The following MAP2K6 variants were observed in gnomAD, a reference collection of about 807,000 sequenced individuals.
MAP2K6 encodes the protein dual specificity mitogen-activated protein kinase kinase 6.
In MAP2K6, 16 loss-of-function variants were observed where a neutral mutation model predicts 53.7. The observed-to-expected ratio is 0.30, with a 90% CI of 0.20 to 0.45. MAP2K6 has a LOEUF of 0.45. Among genes scored for constraint, MAP2K6 ranks in the 20% least tolerant of loss-of-function variants. The pLI, the probability that MAP2K6 is intolerant of heterozygous loss-of-function variation, is 1.00. For missense variants in MAP2K6, 204 were observed against 411.9 expected (o/e 0.50, Z 4.37); for synonymous variants, 132 against 143.1 (o/e 0.92, Z 0.55).
chr17:69,465,680 T>G (rs934916584), intron 1 of MAP2K6, among the ~76,000 whole-genome samples: 1 of 151,040 alleles, frequency 6.6e-6, no homozygotes, highest in African/African-American at 2.4e-5. Context: ...AATACAATGG[T>G]GCAATCTCGG....
At chr17:69,476,754 A>G (rs945877784) in intron 1 of MAP2K6, among the ~76,000 whole-genome samples, 3 of 152,136 alleles carry the variant, frequency 2.0e-5, no homozygotes, top group Admixed American at 1.3e-4. Context: ...CCTTTCCCCA[A>G]GGGCCTGGCT....
chr17:69,419,690 G>A (rs1490389849), intron 1 of MAP2K6, among the ~76,000 whole-genome samples: 1 of 152,086 alleles, frequency 6.6e-6, no homozygotes, highest in Non-Finnish European at 1.5e-5. Context: ...ACTTTGGGAG[G>A]CCGAGGCAAG....
At chr17:69,490,196 G>A (rs1427462127) in intron 1 of MAP2K6, among the ~76,000 whole-genome samples, 1 of 152,164 alleles carries the variant, frequency 6.6e-6, no homozygotes, top group Non-Finnish European at 1.5e-5. Context: ...TTTCCTCCAA[G>A]ATGGCGTTGA....
In MAP2K6 at chr17:69,428,707, T is replaced by A. The variant is rs138183427; in HGVS notation, c.16+13707T>A. 9.9e-4 allele frequency among the ~76,000 whole-genome samples: 150 copies of A among 152,262 alleles called. No individual in the cohort carries two copies. In the Middle Eastern group the frequency reaches 0.01, roughly 10 times the overall value. Reference sequence around the variant, plus strand: ...AAGAAGGTGGGTGCATAACTCAGCCTGGGAAGATCAGGAGTCTGTTGGTAG... The same window carrying A: ...AAGAAGGTGGGTGCATAACTCAGCCAGGGAAGATCAGGAGTCTGTTGGTAG... On this transcript the variant is annotated intron_variant, in intron 1 of 11. Transcript: ENST00000590474.
intron 1 of MAP2K6, among the ~76,000 whole-genome samples, chr17:69,497,862 A>G (rs1909005620): frequency 1.3e-5 from 2 of 152,226 alleles, no homozygotes; most frequent in African/African-American, 4.8e-5. Context: ...ATATATAAAG[A>G]AGACATACAG....
intron 1 of MAP2K6, among the ~76,000 whole-genome samples, chr17:69,493,520 G>T (rs1049743002): frequency 6.6e-6 from 1 of 152,168 alleles, no homozygotes; most frequent in African/African-American, 2.4e-5. Flanking sequence ...CAGCACTTTG[G>T]GAGGCTGAGG....
At chr17:69,472,958 C>T (rs942384901) in intron 1 of MAP2K6, among the ~76,000 whole-genome samples, 9 of 152,182 alleles carry the variant, frequency 5.9e-5, no homozygotes, top group African/African-American at 2.2e-4. Context: ...CCACATACCT[C>T]GGCCTCCCAA....
At chr17:69,464,093 A>G (rs1424603624) in intron 1 of MAP2K6, among the ~76,000 whole-genome samples, 2 of 152,074 alleles carry the variant, frequency 1.3e-5, no homozygotes, top group African/African-American at 2.4e-5. Context: ...TAATTTATTT[A>G]CTTATTTTTT....
At chr17:69,481,024 A>C (rs1036511953) in intron 1 of MAP2K6, among the ~76,000 whole-genome samples, 3 of 152,204 alleles carry the variant, frequency 2.0e-5, no homozygotes, top group African/African-American at 7.2e-5. Context: ...TTATCGTCTT[A>C]ATCATTATAG....
chr17:69,457,434 T>C (rs1408258148), intron 1 of MAP2K6, among the ~76,000 whole-genome samples: 1 of 152,204 alleles, frequency 6.6e-6, no homozygotes, highest in Non-Finnish European at 1.5e-5. Flanking sequence ...GGAATTTTCA[T>C]AGGGGATCCT....
At chr17:69,443,185 A>G (rs895542948) in intron 1 of MAP2K6, among the ~76,000 whole-genome samples, 2 of 151,980 alleles carry the variant, frequency 1.3e-5, no homozygotes, top group Non-Finnish European at 2.9e-5. Flanking sequence ...TAGAATGTCC[A>G]TTTCCCCTCC....
chr17:69,434,885 C>G (rs557131996), intron 1 of MAP2K6: 2 of 152,112 alleles, frequency 1.3e-5, no homozygotes. Flanking sequence ...TCACTACATA[C>G]TATTATTTAA....
intron 1 of MAP2K6, among the ~76,000 whole-genome samples, chr17:69,459,214 A>C (rs1907527617): frequency 6.6e-6 from 1 of 152,174 alleles, no homozygotes; most frequent in African/African-American, 2.4e-5. Flanking sequence ...TCCTTTGATT[A>C]CTGAATTCCT....
At chr17:69,516,825 G>A (rs761055714) in intron 2 of MAP2K6, 30 bp from the exon 3 acceptor site, 1 of 1,529,484 alleles carries the variant, frequency 6.5e-7, no homozygotes, top group South Asian at 1.1e-5. Flanking sequence ...AATAGCTTAT[G>A]TTTCTTCTTT....
At chr17:69,461,380 G>A (rs1907618098) in intron 1 of MAP2K6, among the ~76,000 whole-genome samples, 2 of 152,172 alleles carry the variant, frequency 1.3e-5, no homozygotes, top group South Asian at 2.1e-4. Flanking sequence ...AAGAATGAGG[G>A]CAGTGACTGG....
At chr17:69,468,842 CA>C (rs1907896588) in intron 1 of MAP2K6, among the ~76,000 whole-genome samples, 1 of 152,098 alleles carries the variant, frequency 6.6e-6, no homozygotes. Flanking sequence ...AACAGAACAA[CA>C]AAAACAACAA....
intron 1 of MAP2K6, among the ~76,000 whole-genome samples, chr17:69,491,730 G>GTTGTTATTATTATTATTATTA (rs1555606494): frequency 7.0e-6 from 1 of 143,384 alleles, no homozygotes; most frequent in African/African-American, 2.7e-5. Flanking sequence ...GCTGGCATCT[G>GTTGTTATTATTATTATTATTA]TTATTATTAT....
chr17:69,520,180 C>T, intron 5 of MAP2K6, 90 bp from the exon 6 acceptor site: 1 of 682,828 alleles, frequency 1.5e-6, no homozygotes, highest in Non-Finnish European at 2.5e-6. Flanking sequence ...ATAGTTAATT[C>T]TTCAGGATAG....
At chr17:69,468,166 C>T (rs1907874838) in intron 1 of MAP2K6, among the ~76,000 whole-genome samples, 1 of 152,226 alleles carries the variant, frequency 6.6e-6, no homozygotes, top group Non-Finnish European at 1.5e-5. Flanking sequence ...ATAGTGTTCT[C>T]AGTTGTTACC....
Sources: allele counts gnomAD v4.1 joint callset (sites outside exome capture counted in the v4.1 genomes callset), GRCh38; gene constraint gnomAD v4.1.1; transcripts MANE v1.5; gene names NCBI Gene and HGNC (gene_info 2026-07-23, HGNC 2026-07-21).